The following PDLIM5 variants were observed in gnomAD, a reference collection of about 807,000 sequenced individuals.
The protein encoded by PDLIM5 is PDZ and LIM domain 5, also known as PDZ and LIM domain protein 5.
A neutral mutation model predicts 64.2 loss-of-function variants in PDLIM5; 34 were observed. That is an observed-to-expected ratio of 0.53 (90% CI 0.40 to 0.71). PDLIM5 has a LOEUF of 0.71. Among genes scored for constraint, PDLIM5 ranks in the 30% least tolerant of loss-of-function variants. The pLI is 0.00. For synonymous variants in PDLIM5, 253 were observed against 269.1 expected (o/e 0.94, Z 0.59); for missense variants, 683 against 733.6 (o/e 0.93, Z 0.80).
Position 94,665,939 on chromosome 4 carries a change from T to A in PDLIM5, c.*1872T>A, listed in dbSNP as rs1743060291. The A allele has an allele frequency of 6.6e-7, 1 of 1,513,894 alleles. No individual in the cohort carries two copies. The highest frequency in any genetic ancestry group is 2.5e-5 in the East Asian group (1 of 40,618). The allele number at this position is 1,513,894 out of a possible 1,614,324, so 93.8% of individuals were successfully genotyped here. ...TACCACATGGAGACAGGGAAACAATTGTGGTAAAACTGTGGATCCTGTTGC... is the reference window on the plus strand; with the variant it reads ...TACCACATGGAGACAGGGAAACAATAGTGGTAAAACTGTGGATCCTGTTGC... On this transcript the variant is annotated 3_prime_UTR_variant, in exon 13 of 13. Transcript: ENST00000317968.
At chr4:94,539,041 G>T (rs1352433590) in intron 3 of PDLIM5, among the ~76,000 whole-genome samples, 2 of 152,196 alleles carry the variant, frequency 1.3e-5, no homozygotes, top group Non-Finnish European at 2.9e-5. Context: ...AGAGATCCTA[G>T]TTTAGAGGGA....
chr4:94,548,206 A>G (rs1378292974), intron 3 of PDLIM5, among the ~76,000 whole-genome samples: 2 of 152,168 alleles, frequency 1.3e-5, no homozygotes, highest in African/African-American at 4.8e-5. Context: ...AACTTACACA[A>G]GGTTACTCAT....
intron 7 of PDLIM5, among the ~76,000 whole-genome samples, chr4:94,615,861 G>A (rs1738745436): frequency 6.6e-6 from 1 of 152,166 alleles, no homozygotes; most frequent in Non-Finnish European, 1.5e-5. Context: ...GGCAAACAAT[G>A]TAGTTACATA....
chr4:94,666,960 A>G lies in PDLIM5; in HGVS notation c.*2893A>G, dbSNP rs946646988. 6.6e-5 allele frequency: 10 copies of G among 152,228 alleles called. No individual in the cohort carries two copies. Among genetic ancestry groups the G allele is most frequent in the Admixed American group, 6.5e-4 (10 of 15,278 alleles). 9.4% of individuals were successfully genotyped at this position (152,228 alleles called of 1,614,324 possible). A position where few individuals can be genotyped will look rare whatever the true frequency, so the allele number is the denominator to read the frequency against. On this transcript the variant is annotated 3_prime_UTR_variant, in exon 13 of 13. Coordinates refer to ENST00000317968, the MANE Select transcript of PDLIM5 (RefSeq NM_006457.5). ...GGAATGCCATATTTAATTCACCAGC[A>G]GTAATCCTTTAATAACTGGCAGAGC...
chr4:94,602,577 C>T (rs1315714544), intron 7 of PDLIM5, among the ~76,000 whole-genome samples: 2 of 152,096 alleles, frequency 1.3e-5, no homozygotes, highest in African/African-American at 2.4e-5. Context: ...CTCAGCCTCC[C>T]GAGTAGCTGG....
At chr4:94,529,603 T>C (rs978347692) in intron 3 of PDLIM5, among the ~76,000 whole-genome samples, 5 of 152,200 alleles carry the variant, frequency 3.3e-5, no homozygotes, top group African/African-American at 4.8e-5. Context: ...TATTTATGTC[T>C]ACTTTAATTT....
intron 3 of PDLIM5, among the ~76,000 whole-genome samples, chr4:94,557,135 T>G (rs1373622449): frequency 6.6e-6 from 1 of 152,238 alleles, no homozygotes; most frequent in Non-Finnish European, 1.5e-5. Flanking sequence ...GCTAGCCAGT[T>G]TTCCCAGCAC....
chr4:94,597,662 G>T (rs1737176783), intron 7 of PDLIM5, among the ~76,000 whole-genome samples: 1 of 150,946 alleles, frequency 6.6e-6, no homozygotes. Flanking sequence ...TACCGCTCAG[G>T]GTATGTAGAG....
At chr4:94,579,604 G>GTTTA in intron 5 of PDLIM5, 1 of 776,944 alleles carries the variant, frequency 1.3e-6, no homozygotes, top group Non-Finnish European at 2.0e-6. Context: ...ATGAATGCCT[G>GTTTA]ATTTTTGCAA....
chr4:94,598,718 G>GA (rs1465411339), intron 7 of PDLIM5, among the ~76,000 whole-genome samples: 3 of 151,898 alleles, frequency 2.0e-5, no homozygotes, highest in Non-Finnish European at 2.9e-5. Flanking sequence ...GGAAAATAAG[G>GA]AAAAATACAG....
intron 3 of PDLIM5, among the ~76,000 whole-genome samples, chr4:94,528,660 G>T (rs539265199): frequency 6.6e-6 from 1 of 152,096 alleles, no homozygotes; most frequent in Non-Finnish European, 1.5e-5. Flanking sequence ...TAGATTTTGG[G>T]GACATAGCAG....
At chr4:94,526,433 A>G (rs1453114159) in intron 3 of PDLIM5, among the ~76,000 whole-genome samples, 1 of 152,188 alleles carries the variant, frequency 6.6e-6, no homozygotes, top group African/African-American at 2.4e-5. Context: ...TAGACATTCA[A>G]GGACCCAAAC....
At chr4:94,554,027 C>A (rs1170923796) in intron 3 of PDLIM5, among the ~76,000 whole-genome samples, 1 of 152,114 alleles carries the variant, frequency 6.6e-6, no homozygotes, top group Non-Finnish European at 1.5e-5. Flanking sequence ...AAGTCTTTGC[C>A]AAGAACGAGC....
chr4:94,607,748 G>GT (rs1210050693), intron 7 of PDLIM5, among the ~76,000 whole-genome samples: 1 of 152,036 alleles, frequency 6.6e-6, no homozygotes, highest in Non-Finnish European at 1.5e-5. Context: ...TGGAGCCTAA[G>GT]TTTTTTTAAA....
At chr4:94,529,630 GCAAACACATTT>G (rs1433302288) in intron 3 of PDLIM5, among the ~76,000 whole-genome samples, 1 of 152,052 alleles carries the variant, frequency 6.6e-6, no homozygotes, top group African/African-American at 2.4e-5. Context: ...ATATAATAAA[GCAAACACATTT>G]TCTTTCTATG....
intron 1 of PDLIM5, among the ~76,000 whole-genome samples, chr4:94,453,053 C>T (rs1257917635): frequency 6.6e-6 from 1 of 152,158 alleles, no homozygotes; most frequent in Non-Finnish European, 1.5e-5. Context: ...TCCCCTCTCA[C>T]CCACTAATGA....
chr4:94,469,121 G>C (rs532577501), intron 2 of PDLIM5, among the ~76,000 whole-genome samples: 2 of 152,154 alleles, frequency 1.3e-5, no homozygotes, highest in Non-Finnish European at 2.9e-5. Flanking sequence ...CATTTATTCT[G>C]TATCTTTATT....
intron 2 of PDLIM5, among the ~76,000 whole-genome samples, chr4:94,499,656 G>T (rs372435408): frequency 6.6e-6 from 1 of 152,160 alleles, no homozygotes. Context: ...CTAGTCCCCA[G>T]TCCCCGGGTT....
intron 3 of PDLIM5, among the ~76,000 whole-genome samples, chr4:94,556,073 A>AT (rs1342641011): frequency 6.4e-5 from 8 of 125,298 alleles, no homozygotes; most frequent in Non-Finnish European, 1.1e-4. Context: ...ACCCCACAAC[A>AT]GGCCCCGGTG....
Sources: gnomAD v4.1 joint callset for allele counts (sites outside exome capture counted in the v4.1 genomes callset) on GRCh38, gnomAD v4.1.1 for gene constraint, MANE v1.5 for transcripts, NCBI Gene and HGNC (gene_info 2026-07-23, HGNC 2026-07-21) for gene names.